Variants in MAPK4 observed in about 807,000 individuals in gnomAD.
MAPK4 encodes mitogen-activated protein kinase 4.
MAPK4 carries 22 observed loss-of-function variants against 47.7 expected under a neutral mutation model. The ratio of observed to expected loss-of-function variants is 0.46; its 90% CI spans 0.33 to 0.66. The LOEUF (loss-of-function observed/expected upper bound fraction) is 0.66, where lower values mean the gene tolerates loss of function less well. Ranked by LOEUF, MAPK4 falls within the 30% of genes least tolerant of loss-of-function variation. The pLI is 0.02. For missense variants in MAPK4, 736 were observed against 831.7 expected, an observed-to-expected ratio of 0.88 and a Z score of 1.42; for synonymous variants, 390 against 365.7, an observed-to-expected ratio of 1.07 and a Z score of -0.76.
intron 1 of MAPK4, among the ~76,000 whole-genome samples, chr18:50,616,694 C>T (rs2042687727): frequency 6.6e-6 from 1 of 152,176 alleles, no homozygotes; most frequent in Non-Finnish European, 1.5e-5. Context: ...GTCCAAGAGT[C>T]CAACAGCTGA....
intron 1 of MAPK4, among the ~76,000 whole-genome samples, chr18:50,613,684 G>C (rs115915265): frequency 6.6e-6 from 1 of 152,186 alleles, no homozygotes; most frequent in Non-Finnish European, 1.5e-5. Flanking sequence ...AACAATCCTT[G>C]TGTGACACAT....
chr18:50,577,925 T>C (rs932328791), intron 1 of MAPK4, among the ~76,000 whole-genome samples: 4 of 152,212 alleles, frequency 2.6e-5, no homozygotes, highest in African/African-American at 9.6e-5. Context: ...TATCTAACAT[T>C]GTTATTTGGA....
intron 1 of MAPK4, among the ~76,000 whole-genome samples, chr18:50,616,313 G>A (rs2042684145): frequency 6.6e-6 from 1 of 152,074 alleles, no homozygotes; most frequent in Admixed American, 6.6e-5. Context: ...TAGCTTCTGT[G>A]GCACCTCAGG....
Position 50,716,249 on chromosome 18 carries a change from G to A in MAPK4, c.691+1026G>A, listed in dbSNP as rs532449579. Reference sequence around the variant, plus strand: ...TGAAGCTGTTCCCACCCAAACTGCCGTGTTCTTAATCCAGGGAACCCATTT... The same window carrying A: ...TGAAGCTGTTCCCACCCAAACTGCCATGTTCTTAATCCAGGGAACCCATTT... On this transcript the variant is annotated intron_variant, in intron 3 of 5. Coordinates refer to ENST00000400384, the MANE Select transcript of MAPK4 (RefSeq NM_002747.4). Among the ~76,000 whole-genome samples the A allele has an allele frequency of 1.3e-4, 20 of 152,184 alleles. No individual in the cohort carries two copies. In the South Asian group the frequency reaches 3.1e-3, roughly 24 times the overall value.
chr18:50,571,417 T>C (rs867566014), intron 1 of MAPK4, among the ~76,000 whole-genome samples: 1 of 152,242 alleles, frequency 6.6e-6, no homozygotes, highest in Admixed American at 6.5e-5. Context: ...GCAAATTTTC[T>C]GTTCTCCTAG....
intron 2 of MAPK4, among the ~76,000 whole-genome samples, chr18:50,708,642 G>A (rs896104574): frequency 9.2e-5 from 14 of 152,300 alleles, no homozygotes; most frequent in African/African-American, 2.9e-4. Context: ...ATCTCTCCAC[G>A]AGACTGTCTG....
At chr18:50,644,304 G>A (rs767117379) in intron 1 of MAPK4, among the ~76,000 whole-genome samples, 1 of 151,902 alleles carries the variant, frequency 6.6e-6, no homozygotes, top group Non-Finnish European at 1.5e-5. Flanking sequence ...AAGACTGAGG[G>A]TCGGGGGATG....
At chr18:50,585,813 T>G (rs945005539) in intron 1 of MAPK4, among the ~76,000 whole-genome samples, 4 of 152,174 alleles carry the variant, frequency 2.6e-5, no homozygotes, top group Admixed American at 6.5e-5. Context: ...AAACCAAACA[T>G]GTCCTTCTTC....
intron 1 of MAPK4, among the ~76,000 whole-genome samples, chr18:50,617,439 T>A (rs1313984298): frequency 6.6e-6 from 1 of 152,204 alleles, no homozygotes; most frequent in Non-Finnish European, 1.5e-5. Flanking sequence ...CCCCATGGTA[T>A]TATGTTTTGT....
chr18:50,618,517 T>C (rs548204910), intron 1 of MAPK4, among the ~76,000 whole-genome samples: 2 of 152,302 alleles, frequency 1.3e-5, no homozygotes, highest in East Asian at 3.9e-4. Context: ...ATATATAAAA[T>C]CTGGGGTTCA....
At chr18:50,651,854 A>C (rs553404791) in intron 1 of MAPK4, among the ~76,000 whole-genome samples, 1 of 152,300 alleles carries the variant, frequency 6.6e-6, no homozygotes, top group African/African-American at 2.4e-5. Context: ...AAAGAAACTC[A>C]AAACACATGT....
intron 3 of MAPK4, among the ~76,000 whole-genome samples, chr18:50,719,707 A>C (rs1438078285): frequency 6.6e-6 from 1 of 152,214 alleles, no homozygotes; most frequent in African/African-American, 2.4e-5. Flanking sequence ...TTCAGGCCAG[A>C]CGGAGAAGAG....
intron 1 of MAPK4, among the ~76,000 whole-genome samples, chr18:50,656,419 T>C (rs536827972): frequency 1.3e-5 from 2 of 152,274 alleles, no homozygotes; most frequent in South Asian, 2.1e-4. Flanking sequence ...GATCCCCCCA[T>C]AGGGCTGCCT....
At chr18:50,584,830 T>A (rs1009729332) in intron 1 of MAPK4, among the ~76,000 whole-genome samples, 10 of 152,234 alleles carry the variant, frequency 6.6e-5, no homozygotes, top group African/African-American at 2.4e-4. Flanking sequence ...ACCAAGAGAC[T>A]GACCTGCACA....
intron 1 of MAPK4, among the ~76,000 whole-genome samples, chr18:50,615,207 G>C (rs754909670): frequency 2.6e-5 from 4 of 152,164 alleles, no homozygotes; most frequent in African/African-American, 2.4e-5. Flanking sequence ...GTGTTGGGGG[G>C]GGAGATCCAG....
At chr18:50,561,426 A>G (rs1486602561) in intron 1 of MAPK4, among the ~76,000 whole-genome samples, 2 of 152,184 alleles carry the variant, frequency 1.3e-5, no homozygotes, top group South Asian at 2.1e-4. Context: ...AATTGAATGG[A>G]TATGTATTGA....
chr18:50,603,670 C>T (rs986357225), intron 1 of MAPK4, among the ~76,000 whole-genome samples: 14 of 152,192 alleles, frequency 9.2e-5, no homozygotes, highest in Middle Eastern at 3.2e-3. Flanking sequence ...TTTGTATATA[C>T]AAAGTCTAGA....
intron 1 of MAPK4, among the ~76,000 whole-genome samples, chr18:50,648,183 A>T (rs1465730589): frequency 1.3e-5 from 2 of 151,818 alleles, no homozygotes; most frequent in African/African-American, 4.8e-5. Flanking sequence ...AACTGGAGGG[A>T]TGTTAGCTCT....
At chr18:50,603,698 G>A (rs2042560178) in intron 1 of MAPK4, among the ~76,000 whole-genome samples, 3 of 151,952 alleles carry the variant, frequency 2.0e-5, no homozygotes. Flanking sequence ...CTGGCATCTT[G>A]TAAGCACTTG....
Sources: gnomAD v4.1 joint callset for allele counts (sites outside exome capture counted in the v4.1 genomes callset) on GRCh38, gnomAD v4.1.1 for gene constraint, MANE v1.5 for transcripts, NCBI Gene and HGNC (gene_info 2026-07-23, HGNC 2026-07-21) for gene names.